Variants in GRAMD1B observed in about 807,000 individuals in gnomAD.
The protein encoded by GRAMD1B is GRAM domain containing 1B.
Under a neutral mutation model 99.7 loss-of-function variants are expected in GRAMD1B, and 37 were observed. The observed-to-expected ratio is 0.37, with a 90% CI of 0.29 to 0.49. The LOEUF (loss-of-function observed/expected upper bound fraction) is 0.49, where lower values mean the gene tolerates loss of function less well. Among genes scored for constraint, GRAMD1B ranks in the 20% least tolerant of loss-of-function variants. The pLI is 0.98. For synonymous variants in GRAMD1B, 427 were observed against 387.6 expected, an observed-to-expected ratio of 1.10 and a Z score of -1.19; for missense variants, 888 against 1,009.2, an observed-to-expected ratio of 0.88 and a Z score of 1.63.
intron 2 of GRAMD1B, among the ~76,000 whole-genome samples, chr11:123,484,399 T>C (rs978236795): frequency 2.0e-5 from 3 of 152,152 alleles, no homozygotes; most frequent in African/African-American, 4.8e-5. Flanking sequence ...TACACTGATA[T>C]AAATTCTATT....
intron 1 of GRAMD1B, among the ~76,000 whole-genome samples, chr11:123,437,797 C>T (rs1295202891): frequency 6.6e-6 from 1 of 152,230 alleles, no homozygotes; most frequent in Non-Finnish European, 1.5e-5. Context: ...GATTCTTCAT[C>T]TCCTTCCTCT....
intron 2 of GRAMD1B, among the ~76,000 whole-genome samples, chr11:123,553,164 G>T (rs1766010756): frequency 6.6e-6 from 1 of 152,224 alleles, no homozygotes; most frequent in Non-Finnish European, 1.5e-5. Flanking sequence ...AGTTTAGGGA[G>T]CACTAGTATA....
Position 123,583,376 on chromosome 11 carries a change from TGTGTG to T in GRAMD1B, c.664-930_664-926del, listed in dbSNP as rs1293407918. On this transcript the variant is annotated intron_variant, in intron 3 of 19. Coordinates refer to ENST00000635736, the MANE Select transcript of GRAMD1B (RefSeq NM_001387025.1). The stretch of plus-strand genomic sequence containing the variant: ...GCATGTGTGTATGTGTGTGTGCACG[TGTGTG>T]GTGTGTATGTGTGCGTGTGTGTGTG... Among the ~76,000 whole-genome samples, 22 of 137,266 alleles carry T rather than the reference TGTGTG, an allele frequency of 1.6e-4. 3 individuals are homozygous for T. The highest frequency in any genetic ancestry group is 5.7e-4 in the African/African-American group (21 of 36,796). The allele number at this position is 137,266 out of a possible 152,430, so 90.1% of individuals were successfully genotyped here.
chr11:123,609,662 G>C, intron 12 of GRAMD1B, 133 bp from the exon 13 acceptor site: 3 of 605,712 alleles, frequency 5.0e-6, no homozygotes, highest in Non-Finnish European at 8.9e-6. Context: ...CCGGCCCTCG[G>C]GCTCCCATTG....
chr11:123,556,145 A>T (rs994713191), intron 2 of GRAMD1B, among the ~76,000 whole-genome samples: 5 of 152,196 alleles, frequency 3.3e-5, no homozygotes, highest in Non-Finnish European at 7.3e-5. Flanking sequence ...TATCCCACAC[A>T]CTCAGAAATC....
chr11:123,589,193 C>G (rs1386049244), intron 4 of GRAMD1B, among the ~76,000 whole-genome samples: 2 of 151,408 alleles, frequency 1.3e-5, no homozygotes, highest in Non-Finnish European at 2.9e-5. Context: ...CTCAACCTGT[C>G]CTTGAAACAT....
chr11:123,366,473 A>T (rs927283325), intron 1 of GRAMD1B, among the ~76,000 whole-genome samples: 1 of 152,190 alleles, frequency 6.6e-6, no homozygotes, highest in Admixed American at 6.5e-5. Flanking sequence ...CTGGGTTTTG[A>T]CTTTTCTGTC....
chr11:123,531,766 G>C (rs1555057573), intron 2 of GRAMD1B, among the ~76,000 whole-genome samples: 1 of 75,886 alleles, frequency 1.3e-5, no homozygotes, highest in African/African-American at 5.9e-5. Flanking sequence ...ATGGAGTTTT[G>C]CTCTTATTGC....
chr11:123,567,703 G>T (rs1441047364), intron 2 of GRAMD1B, among the ~76,000 whole-genome samples: 1 of 152,160 alleles, frequency 6.6e-6, no homozygotes, highest in African/African-American at 2.4e-5. Flanking sequence ...GAAGCTGCAG[G>T]AAAGCCAGGC....
chr11:123,445,861 C>CAAA (rs1417604410), intron 1 of GRAMD1B, among the ~76,000 whole-genome samples: 1 of 147,038 alleles, frequency 6.8e-6, no homozygotes, highest in African/African-American at 2.5e-5. Flanking sequence ...ACAAAAACAA[C>CAAA]CCCAGGAAAG....
rs1293463298 is a variant in GRAMD1B at position 123,623,910 on chromosome 11, A to G, written c.*1315A>G. ...ATCCTGCTCTGGTCTCTGGCCCCAC[A>G]GAGGTGTAAGATCATTAAGAAGTAG... On this transcript the variant is annotated 3_prime_UTR_variant, in exon 20 of 20. Transcript: ENST00000635736. The G allele has an allele frequency of 6.6e-6, 1 of 152,338 alleles. No homozygotes were observed. The highest frequency in any genetic ancestry group is 1.5e-5 in the Non-Finnish European group (1 of 68,156). The allele number at this position is 152,338 out of a possible 1,614,324, so 9.4% of individuals were successfully genotyped here. A position where few individuals can be genotyped will look rare whatever the true frequency, so the allele number is the denominator to read the frequency against.
At chr11:123,578,975 T>A (rs1243321068) in intron 3 of GRAMD1B, among the ~76,000 whole-genome samples, 1 of 152,186 alleles carries the variant, frequency 6.6e-6, no homozygotes, top group East Asian at 1.9e-4. Context: ...ACTCGAGAGC[T>A]GCTCAACCTG....
intron 2 of GRAMD1B, among the ~76,000 whole-genome samples, chr11:123,535,091 C>T (rs1385560029): frequency 1.3e-5 from 2 of 152,098 alleles, no homozygotes; most frequent in Non-Finnish European, 1.5e-5. Context: ...TGGGAAAAGC[C>T]CTCAGGCTCA....
chr11:123,474,843 A>G (rs570709748), intron 1 of GRAMD1B, among the ~76,000 whole-genome samples: 2 of 152,334 alleles, frequency 1.3e-5, no homozygotes, highest in African/African-American at 4.8e-5. Context: ...AGAAGTAAAG[A>G]GATGCAGTAC....
intron 2 of GRAMD1B, among the ~76,000 whole-genome samples, chr11:123,539,448 T>A (rs1245636581): frequency 1.3e-5 from 2 of 150,530 alleles, no homozygotes; most frequent in African/African-American, 4.9e-5. Flanking sequence ...AAAATAAAAA[T>A]AAAAATTAGC....
intron 2 of GRAMD1B, among the ~76,000 whole-genome samples, chr11:123,528,124 G>A (rs1185452418): frequency 6.6e-6 from 1 of 152,070 alleles, no homozygotes; most frequent in Non-Finnish European, 1.5e-5. Context: ...ATGAAATGCG[G>A]CTCCCTTTGG....
intron 1 of GRAMD1B, among the ~76,000 whole-genome samples, chr11:123,389,674 A>G (rs1273122607): frequency 6.6e-6 from 1 of 152,210 alleles, no homozygotes; most frequent in African/African-American, 2.4e-5. Context: ...CACCATACTA[A>G]CGTGAGATGT....
At chr11:123,383,142 T>C (rs1044328494) in intron 1 of GRAMD1B, among the ~76,000 whole-genome samples, 1 of 152,096 alleles carries the variant, frequency 6.6e-6, no homozygotes, top group African/African-American at 2.4e-5. Flanking sequence ...GTGAGAACAC[T>C]CAGGCATTAA....
Position 123,510,537 on chromosome 11 carries a change from A to C in GRAMD1B, c.452+29644A>C, listed in dbSNP as rs1658243271. Among the ~76,000 whole-genome samples the C allele has an allele frequency of 6.6e-6, 1 of 152,194 alleles. No homozygotes were observed. The highest frequency in any genetic ancestry group is 2.4e-5 in the African/African-American group (1 of 41,454). On this transcript the variant is annotated intron_variant, in intron 2 of 19. Coordinates refer to ENST00000635736, the MANE Select transcript of GRAMD1B (RefSeq NM_001387025.1). The surrounding 1 kb of genome is among the most constrained non-coding windows in gnomAD (Gnocchi z 4.3). ...GAAACTGAGGAAGTCCCAGGGGGCC[A>C]GAGAGTGGAAATAGGTGTCTTATTT...
Sources: allele counts gnomAD v4.1 joint callset (sites outside exome capture counted in the v4.1 genomes callset), GRCh38; gene constraint gnomAD v4.1.1; non-coding constraint Gnocchi (gnomAD v3.1); transcripts MANE v1.5; gene names NCBI Gene and HGNC (gene_info 2026-07-23, HGNC 2026-07-21).